PPP3R1: variants seen among roughly 807,000 people sequenced by gnomAD.
PPP3R1 encodes the protein calcineurin subunit B type 1.
In PPP3R1, 5 loss-of-function variants were observed where a neutral mutation model predicts 22.6. The ratio of observed to expected loss-of-function variants is 0.22; its 90% CI spans 0.12 to 0.46. The LOEUF (loss-of-function observed/expected upper bound fraction) is 0.46. Ranked by LOEUF, PPP3R1 falls within the 20% of genes least tolerant of loss-of-function variation. The pLI is 0.99. For missense variants in PPP3R1, 61 were observed against 203.2 expected (o/e 0.30, Z 4.25); for synonymous variants, 56 against 65.2 (o/e 0.86, Z 0.68).
chr2:68,190,365 G>C (rs1474827092), intron 2 of PPP3R1, among the ~76,000 whole-genome samples: 3 of 150,288 alleles, frequency 2.0e-5, no homozygotes, highest in South Asian at 4.2e-4. Flanking sequence ...AGGAGTTTCA[G>C]ACCAGCCTGG....
intron 2 of PPP3R1, among the ~76,000 whole-genome samples, chr2:68,209,632 C>CTA (rs1167107780): frequency 2.0e-5 from 3 of 151,878 alleles, no homozygotes; most frequent in Non-Finnish European, 4.4e-5. Flanking sequence ...GTGGTACATG[C>CTA]CTGTGGTCCC....
chr2:68,244,050 C>A (rs1406453642), intron 1 of PPP3R1, among the ~76,000 whole-genome samples: 2 of 152,078 alleles, frequency 1.3e-5, no homozygotes, highest in Non-Finnish European at 2.9e-5. Flanking sequence ...TAAGTGACTA[C>A]ATTAATGTAG....
intron 2 of PPP3R1, among the ~76,000 whole-genome samples, chr2:68,195,847 T>A (rs755601044): frequency 1.3e-5 from 2 of 152,102 alleles, no homozygotes; most frequent in Non-Finnish European, 2.9e-5. Context: ...AGGTCTTTAT[T>A]AGATCTTCAG....
chr2:68,202,977 C>G (rs1360070948), intron 2 of PPP3R1, among the ~76,000 whole-genome samples: 1 of 151,536 alleles, frequency 6.6e-6, no homozygotes, highest in Non-Finnish European at 1.5e-5. Flanking sequence ...TAATTTGAAT[C>G]CAGGGATTAT....
intron 1 of PPP3R1, among the ~76,000 whole-genome samples, chr2:68,235,397 C>T (rs1669999706): frequency 6.6e-6 from 1 of 152,116 alleles, no homozygotes; most frequent in African/African-American, 2.4e-5. Flanking sequence ...CCTAAGTAAT[C>T]ACAAATCTAC....
chr2:68,203,241 G>A (rs1426373498), intron 2 of PPP3R1, among the ~76,000 whole-genome samples: 2 of 152,152 alleles, frequency 1.3e-5, no homozygotes, highest in African/African-American at 2.4e-5. Context: ...TTATGAAGAT[G>A]TTAATGTAAA....
chr2:68,203,640 T>G (rs1486130291), intron 2 of PPP3R1, among the ~76,000 whole-genome samples: 1 of 151,218 alleles, frequency 6.6e-6, no homozygotes, highest in Non-Finnish European at 1.5e-5. Flanking sequence ...GGAAATCAAA[T>G]TAACTACAGA....
intron 1 of PPP3R1, among the ~76,000 whole-genome samples, chr2:68,218,982 G>A (rs907562415): frequency 3.3e-5 from 5 of 152,016 alleles, no homozygotes; most frequent in Non-Finnish European, 7.4e-5. Context: ...CATTAACAAA[G>A]AATAACTCGT....
chr2:68,189,992 A>C (rs922831790), intron 2 of PPP3R1, among the ~76,000 whole-genome samples: 4 of 152,038 alleles, frequency 2.6e-5, no homozygotes, highest in Non-Finnish European at 5.9e-5. Context: ...AAGAGTACAA[A>C]TACAAGCTGT....
intron 2 of PPP3R1, among the ~76,000 whole-genome samples, chr2:68,215,643 T>A (rs1669565208): frequency 6.6e-6 from 1 of 152,208 alleles, no homozygotes; most frequent in Non-Finnish European, 1.5e-5. Context: ...TTACAGTTTC[T>A]ACATAGCAGA....
In PPP3R1 at chr2:68,245,743, C is replaced by T. The variant is rs144700598; in HGVS notation, c.3+6382G>A. On this transcript the variant is annotated intron_variant, in intron 1 of 5. Transcript: ENST00000234310. ...CTAGTTTCCACCCTTTCCAAGTCAC[C>T]CAGCATCTTATTTCCAGATTAATCA... Among the ~76,000 whole-genome samples, 548 of 152,266 alleles carry T rather than the reference C, an allele frequency of 3.6e-3. 6 individuals carry two copies. The highest frequency in any genetic ancestry group is 0.013 in the African/African-American group (526 of 41,526).
intron 1 of PPP3R1, among the ~76,000 whole-genome samples, chr2:68,247,634 AG>A (rs1292988178): frequency 2.6e-5 from 4 of 152,030 alleles, no homozygotes; most frequent in Non-Finnish European, 5.9e-5. Flanking sequence ...TCTCGAGGAC[AG>A]GAACAGTATT....
intron 1 of PPP3R1, among the ~76,000 whole-genome samples, chr2:68,251,659 T>C (rs894943304): frequency 6.6e-6 from 1 of 152,070 alleles, no homozygotes; most frequent in African/African-American, 2.4e-5. Flanking sequence ...AGTAAGTGGG[T>C]CTTATGTAAA....
chr2:68,198,337 A>G (rs1674863873), intron 2 of PPP3R1, among the ~76,000 whole-genome samples: 1 of 63,088 alleles, frequency 1.6e-5, no homozygotes. Flanking sequence ...ATGTACATAT[A>G]TGTACATGTA....
intron 2 of PPP3R1, among the ~76,000 whole-genome samples, chr2:68,189,598 T>C (rs1674618651): frequency 6.6e-6 from 1 of 152,322 alleles, no homozygotes; most frequent in Non-Finnish European, 1.5e-5. Context: ...CCAGGCGCAA[T>C]GGCTCACGCT....
intron 1 of PPP3R1, among the ~76,000 whole-genome samples, chr2:68,230,205 CT>C (rs1669869415): frequency 6.6e-6 from 1 of 152,082 alleles, no homozygotes; most frequent in Admixed American, 6.6e-5. Context: ...GTTGCCCAGG[CT>C]GGTCTCAAAC....
chr2:68,230,102 C>A (rs548806303), intron 1 of PPP3R1, among the ~76,000 whole-genome samples: 1 of 152,098 alleles, frequency 6.6e-6, no homozygotes, highest in African/African-American at 2.4e-5. Flanking sequence ...AAGCAATGCC[C>A]CCATCTCAGC....
chr2:68,183,020 T>C (rs1293395011), intron 5 of PPP3R1, among the ~76,000 whole-genome samples: 1 of 152,206 alleles, frequency 6.6e-6, no homozygotes, highest in Non-Finnish European at 1.5e-5. Flanking sequence ...TCTCTGGCGC[T>C]CTTCATCATA....
intron 1 of PPP3R1, among the ~76,000 whole-genome samples, chr2:68,237,490 G>A (rs1558643128): frequency 6.6e-6 from 1 of 151,934 alleles, no homozygotes. Context: ...GATAAGCAAT[G>A]TAATCAACAA....
Sources: gnomAD v4.1 joint callset for allele counts (sites outside exome capture counted in the v4.1 genomes callset) on GRCh38, gnomAD v4.1.1 for gene constraint, MANE v1.5 for transcripts, NCBI Gene and HGNC (gene_info 2026-07-23, HGNC 2026-07-21) for gene names.